The following PTPRD variants were observed in gnomAD, a reference collection of about 807,000 sequenced individuals.
PTPRD encodes protein tyrosine phosphatase receptor type D.
Under a neutral mutation model 214.5 loss-of-function variants are expected in PTPRD, and 34 were observed. The ratio of observed to expected loss-of-function variants is 0.16; its 90% CI spans 0.12 to 0.21. The LOEUF is 0.21. PTPRD is among the 10% of genes least tolerant of loss of function. PTPRD has a pLI of 1.00. For missense variants in PTPRD, 2,545 were observed against 2,398.7 expected (o/e 1.06, Z -1.27); for synonymous variants, 1,128 against 845.7 (o/e 1.33, Z -5.79).
At chr9:9,772,621 C>G (rs1346927202) in intron 5 of PTPRD, among the ~76,000 whole-genome samples, 1 of 141,888 alleles carries the variant, frequency 7.0e-6, no homozygotes, top group East Asian at 4.8e-4. Flanking sequence ...TTGTCTATCA[C>G]AAACACTTTA....
intron 5 of PTPRD, among the ~76,000 whole-genome samples, chr9:9,825,630 A>C (rs1453333912): frequency 6.6e-6 from 1 of 151,932 alleles, no homozygotes; most frequent in African/African-American, 2.4e-5. Context: ...TCTGAAGCTT[A>C]TTCTACGGGG....
At chr9:9,729,049 T>C (rs1355138722) in intron 7 of PTPRD, among the ~76,000 whole-genome samples, 1 of 152,130 alleles carries the variant, frequency 6.6e-6, no homozygotes, top group Non-Finnish European at 1.5e-5. Flanking sequence ...ATTGTCAAAA[T>C]ATGTCTTTGG....
intron 10 of PTPRD, among the ~76,000 whole-genome samples, chr9:9,034,187 C>T (rs1304317671): frequency 6.6e-6 from 1 of 152,140 alleles, no homozygotes; most frequent in Admixed American, 6.6e-5. Context: ...TTTACTCTGG[C>T]TTTTCTTCTG....
chr9:9,888,002 G>A (rs28619168), intron 5 of PTPRD, among the ~76,000 whole-genome samples: 11,776 of 152,112 alleles, frequency 0.077, 1,409 homozygotes, highest in African/African-American at 0.26. Context: ...GACACCTGAC[G>A]AAGGGCAAGA....
intron 5 of PTPRD, among the ~76,000 whole-genome samples, chr9:9,802,652 T>A (rs1242359526): frequency 9.4e-5 from 14 of 149,578 alleles, no homozygotes; most frequent in South Asian, 6.2e-4. Context: ...ACGTTTTTTT[T>A]TAAAAAAAAT....
At chr9:9,270,700 C>G (rs1476719065) in intron 9 of PTPRD, among the ~76,000 whole-genome samples, 1 of 151,386 alleles carries the variant, frequency 6.6e-6, no homozygotes, top group Non-Finnish European at 1.5e-5. Context: ...TCATTGGCTA[C>G]TGTGTGTAGA....
chr9:8,860,205 C>T (rs1354093826), intron 11 of PTPRD: 2 of 152,228 alleles, frequency 1.3e-5, no homozygotes, highest in Non-Finnish European at 2.9e-5. Context: ...ATGTATCACT[C>T]TGCCTGCAGA....
At chr9:10,122,927 T>C (rs558150104) in intron 3 of PTPRD, among the ~76,000 whole-genome samples, 4 of 152,270 alleles carry the variant, frequency 2.6e-5, no homozygotes, top group East Asian at 1.9e-4. Context: ...ATAAAAAGAT[T>C]GCGGCAGATA....
intron 3 of PTPRD, among the ~76,000 whole-genome samples, chr9:10,119,157 G>T (rs10118866): frequency 0.27 from 41,658 of 151,718 alleles, 6,029 homozygotes; most frequent in South Asian, 0.44. Flanking sequence ...TCCATAAGAA[G>T]GATAACTACT....
chr9:8,676,559 G>A (rs901756300), intron 12 of PTPRD, among the ~76,000 whole-genome samples: 1 of 150,806 alleles, frequency 6.6e-6, no homozygotes, highest in African/African-American at 2.4e-5. Flanking sequence ...ATTTTTGTGT[G>A]GGTTTCTTTT....
At chr9:9,647,202 C>CA (rs1332506206) in intron 7 of PTPRD, among the ~76,000 whole-genome samples, 6 of 152,052 alleles carry the variant, frequency 3.9e-5, no homozygotes, top group Non-Finnish European at 7.4e-5. Context: ...TCATTCCATT[C>CA]ATTTCCTTCT....
At chr9:10,337,596 T>C (rs931070528) in intron 3 of PTPRD, among the ~76,000 whole-genome samples, 1 of 151,722 alleles carries the variant, frequency 6.6e-6, no homozygotes, top group Non-Finnish European at 1.5e-5. Flanking sequence ...AATTTGGGAA[T>C]TTAAAAAAAC....
chr9:8,438,400 G>A (rs1337864134), intron 34 of PTPRD, among the ~76,000 whole-genome samples: 1 of 152,126 alleles, frequency 6.6e-6, no homozygotes, highest in Non-Finnish European at 1.5e-5. Context: ...TGAATTGCTT[G>A]CAAGTAGAAA....
intron 12 of PTPRD, among the ~76,000 whole-genome samples, chr9:8,663,010 G>T (rs2097095193): frequency 6.6e-6 from 1 of 151,984 alleles, no homozygotes; most frequent in African/African-American, 2.4e-5. Flanking sequence ...CATACACTTG[G>T]ATAACTCTAA....
intron 3 of PTPRD, among the ~76,000 whole-genome samples, chr9:10,090,902 T>C (rs75959071): frequency 0.016 from 2,192 of 139,798 alleles, 49 homozygotes; most frequent in African/African-American, 0.057. Flanking sequence ...AGGACATTTG[T>C]GTATATAAAT....
intron 8 of PTPRD, among the ~76,000 whole-genome samples, chr9:9,469,169 A>G (rs2094423832): frequency 6.6e-6 from 1 of 152,106 alleles, no homozygotes; most frequent in South Asian, 2.1e-4. Context: ...ATCCTAAAAT[A>G]TTATGTATAA....
intron 39 of PTPRD, among the ~76,000 whole-genome samples, chr9:8,363,679 C>G (rs2079068340): frequency 1.3e-5 from 2 of 152,178 alleles, no homozygotes; most frequent in South Asian, 4.1e-4. Flanking sequence ...ATTAATAAGC[C>G]TTTGCAGGCT....
intron 11 of PTPRD, among the ~76,000 whole-genome samples, chr9:8,794,930 C>T (rs1408579636): frequency 6.6e-6 from 1 of 151,454 alleles, no homozygotes; most frequent in African/African-American, 2.4e-5. Context: ...TACAAAGGAA[C>T]ATAAGTCAAT....
chr9:9,955,904 A>ATC (rs1566704161), intron 4 of PTPRD, among the ~76,000 whole-genome samples: 6 of 152,136 alleles, frequency 3.9e-5, no homozygotes, highest in Non-Finnish European at 5.9e-5. Flanking sequence ...ATGTTCCTGA[A>ATC]ACAGTATCAG....
Sources: gnomAD v4.1 joint callset for allele counts (sites outside exome capture counted in the v4.1 genomes callset) on GRCh38, gnomAD v4.1.1 for gene constraint, MANE v1.5 for transcripts, NCBI Gene and HGNC (gene_info 2026-07-23, HGNC 2026-07-21) for gene names.